The following EIF2AK4 variants were observed in gnomAD, a reference collection of about 807,000 sequenced individuals.
The protein encoded by EIF2AK4 is eIF-2-alpha kinase GCN2.
In EIF2AK4, 139 loss-of-function variants were observed where a neutral mutation model predicts 211.1. That is an observed-to-expected ratio of 0.66 (90% CI 0.57 to 0.76). EIF2AK4 has a LOEUF of 0.76. Among genes scored for constraint, EIF2AK4 ranks in the 30% least tolerant of loss-of-function variants. The probability of loss-of-function intolerance (pLI) is 0.00; values close to 1 mark genes in which losing one functional copy is unlikely to be tolerated. For synonymous variants in EIF2AK4, 710 were observed against 751.3 expected (o/e 0.94, Z 0.90); for missense variants, 1,664 against 2,043.8 (o/e 0.81, Z 3.58).
At chr15:39,994,446 A>G (rs1031906063) in intron 18 of EIF2AK4, among the ~76,000 whole-genome samples, 1 of 152,124 alleles carries the variant, frequency 6.6e-6, no homozygotes, top group African/African-American at 2.4e-5. Flanking sequence ...CATCCCTACT[A>G]AACATCAAAA....
chr15:39,976,781 GC>G lies in EIF2AK4; in HGVS notation c.2187del (p.Ser730ProfsTer61). 6.3e-7 allele frequency: 1 copy of G among 1,585,508 alleles called. No individual in the cohort carries two copies. Among genetic ancestry groups the G allele is most frequent in the Non-Finnish European group, 8.6e-7 (1 of 1,169,396 alleles). ...ASARFPATGPGSSDDEDDDED... is the reference protein window; with the variant it reads ...ASARFPATGPXSSDDEDDDED... ...GCCCGTTTCCCCGCCACCGGCCCGG[GC>G]TCCAGCGATGACGAGGACGACGACG... On this transcript the variant is annotated frameshift_variant, in exon 12 of 39. Transcript: ENST00000263791. LOFTEE classifies it high-confidence loss of function.
At chr15:39,934,367 C>T (rs1186021522) in intron 1 of EIF2AK4, 28 bp downstream of exon 1, 1 of 1,582,776 alleles carries the variant, frequency 6.3e-7, no homozygotes. Flanking sequence ...CAGGCCCGGG[C>T]TGGCGTGCCC....
intron 25 of EIF2AK4, among the ~76,000 whole-genome samples, chr15:40,009,031 T>A (rs933452568): frequency 1.3e-5 from 2 of 152,150 alleles, no homozygotes; most frequent in Non-Finnish European, 1.5e-5. Flanking sequence ...ATCAACTCTC[T>A]CGGGCTTTTT....
rs2035306326 is a variant in EIF2AK4, at chr15:40,016,653, A to G, written c.3911A>G (p.Lys1304Arg). 6.2e-7 allele frequency: 1 copy of G among 1,614,170 alleles called. No individual in the cohort carries two copies. The highest frequency in any genetic ancestry group is 8.5e-7 in the Non-Finnish European group (1 of 1,180,026). The change falls in exon 28 of 39, where the codon AAA becomes AGA. Residue 1304 changes from lysine (K) to arginine (R), a missense_variant. Lys to Arg is a conservative substitution (Grantham distance 26). Transcript: ENST00000263791. Reference protein sequence around the residue: ...DLEEVVGLLKKLGIKLQVLIN... With the variant: ...DLEEVVGLLKRLGIKLQVLIN... The stretch of plus-strand genomic sequence containing the variant: ...GAGGAGGTTGTTGGACTGTTGAAGA[A>G]ACTCGGCATCAAGTTACAGGTTTGG...
chr15:39,947,025 T>C (rs1325989184), intron 3 of EIF2AK4: 1 of 184,966 alleles, frequency 5.4e-6, no homozygotes, highest in African/African-American at 2.4e-5. Flanking sequence ...ACATTTGCTT[T>C]ACTGAAGTGG....
intron 35 of EIF2AK4, 124 bp downstream of exon 35, chr15:40,030,580 T>G: frequency 9.1e-7 from 1 of 1,094,636 alleles, no homozygotes; most frequent in South Asian, 1.6e-5. Context: ...GAAAAAAATT[T>G]TTCTTCCAAC....
intron 9 of EIF2AK4, among the ~76,000 whole-genome samples, chr15:39,971,019 G>A (rs1433410888): frequency 6.6e-6 from 1 of 152,140 alleles, no homozygotes. Context: ...AACTCACAAC[G>A]ACAGTTGATT....
At chr15:39,942,551 A>G (rs1462973970) in intron 2 of EIF2AK4, among the ~76,000 whole-genome samples, 1 of 152,228 alleles carries the variant, frequency 6.6e-6, no homozygotes, top group Non-Finnish European at 1.5e-5. Flanking sequence ...ATGCTTGGTA[A>G]AAAGTGATGA....
chr15:39,937,053 T>G (rs1466813094), intron 1 of EIF2AK4, among the ~76,000 whole-genome samples: 2 of 152,224 alleles, frequency 1.3e-5, no homozygotes, highest in African/African-American at 2.4e-5. Flanking sequence ...TAAAAACTTT[T>G]GCATTTGTAA....
intron 11 of EIF2AK4, chr15:39,975,575 G>T (rs537558184): frequency 6.6e-6 from 1 of 152,344 alleles, no homozygotes; most frequent in African/African-American, 2.4e-5. Context: ...CTCTGTAAAA[G>T]TTACTTCAGT....
In EIF2AK4 at chr15:39,969,345, A is replaced by T. The variant is rs139392824; in HGVS notation, c.1553+1466A>T. ...TCAGTTTTAAACTTGAGATCAGCAC[A>T]ATTTCTTATTCTTTTTTTTTTTTTT... On this transcript the variant is annotated intron_variant, in intron 9 of 38. Coordinates refer to ENST00000263791, the MANE Select transcript of EIF2AK4 (RefSeq NM_001013703.4). 4.7e-5 allele frequency among the ~76,000 whole-genome samples: 7 copies of T among 147,626 alleles called. No homozygotes were observed. The East Asian group carries it at 1.4e-3, about 30-fold the overall frequency.
rs564079511 is a variant in EIF2AK4, at chr15:40,021,290, G to A, written c.4302+263G>A. ...TCAACAGGGCTGGCTCCTCTGGGAAGCTCTAGGGGAGAATCTGTGTCCTTC... is the reference window on the plus strand; with the variant it reads ...TCAACAGGGCTGGCTCCTCTGGGAAACTCTAGGGGAGAATCTGTGTCCTTC... On this transcript the variant is annotated intron_variant, in intron 31 of 38. Coordinates refer to ENST00000263791, the MANE Select transcript of EIF2AK4 (RefSeq NM_001013703.4). Among the ~76,000 whole-genome samples the A allele has an allele frequency of 3.9e-5, 6 of 152,290 alleles. No homozygotes were observed. The East Asian group carries it at 7.7e-4, about 20-fold the overall frequency.
In EIF2AK4 at chr15:40,030,435, T is replaced by C. The variant is rs2035526118; in HGVS notation, c.4638T>C (p.Thr1546=). The C allele has an allele frequency of 6.2e-7, 1 of 1,614,028 alleles. No homozygotes were observed. Among genetic ancestry groups the C allele is most frequent in the South Asian group, 1.1e-5 (1 of 91,034 alleles). ...CCCCGGAGAAGCTGTCAGCCAGCACTAGGAGGCGCTATGAAACTCAGGTAC... is the reference window on the plus strand; with the variant it reads ...CCCCGGAGAAGCTGTCAGCCAGCACCAGGAGGCGCTATGAAACTCAGGTAC... The part of the protein sequence containing the change: ...VLAPEKLSAS[T]RRRYETQVQT... Residue 1546 remains threonine (T), a synonymous_variant, in exon 35 of 39, where the codon ACT becomes ACC. Coordinates refer to ENST00000263791, the MANE Select transcript of EIF2AK4 (RefSeq NM_001013703.4).
chr15:39,961,843 TG>T lies in EIF2AK4; in HGVS notation c.804del (p.Tyr269IlefsTer27), dbSNP rs764735526. The T allele has an allele frequency of 6.2e-7, 1 of 1,614,230 alleles. No individual in the cohort carries two copies. The highest frequency in any genetic ancestry group is 8.5e-7 in the Non-Finnish European group (1 of 1,180,026). On this transcript the variant is annotated frameshift_variant, in exon 7 of 39. Transcript: ENST00000263791. LOFTEE classifies it high-confidence loss of function. ...SEDSPGSCEI[L>X]YFNMGSPDQL... ...GATTCTCCTGGCTCTTGTGAAATTC[TG>T]TATTTCAATATGGGGAGTCCTGATC...
intron 37 of EIF2AK4, among the ~76,000 whole-genome samples, chr15:40,034,028 CAAAAAAAA>C (rs1161664208): frequency 1.4e-5 from 1 of 68,972 alleles, no homozygotes; most frequent in African/African-American, 5.5e-5. Flanking sequence ...AACTCCATCT[CAAAAAAAA>C]AAAAAAAAAA....
chr15:39,979,021 C>T (rs1462202100), intron 13 of EIF2AK4, among the ~76,000 whole-genome samples: 1 of 152,094 alleles, frequency 6.6e-6, no homozygotes, highest in African/African-American at 2.4e-5. Context: ...TTTGTTTTCC[C>T]CAATGTGTAA....
intron 3 of EIF2AK4, among the ~76,000 whole-genome samples, chr15:39,946,199 G>A (rs2034225622): frequency 6.6e-6 from 1 of 152,194 alleles, no homozygotes; most frequent in Admixed American, 6.5e-5. Context: ...TCTTAGCAAA[G>A]TAAATGGAAA....
intron 26 of EIF2AK4, among the ~76,000 whole-genome samples, chr15:40,010,459 T>C (rs988538714): frequency 1.3e-5 from 2 of 152,202 alleles, no homozygotes; most frequent in Non-Finnish European, 2.9e-5. Context: ...CTTTATAGTA[T>C]ATGTGCGGGT....
At chr15:39,941,713 G>A (rs937789230) in intron 2 of EIF2AK4, among the ~76,000 whole-genome samples, 2 of 152,084 alleles carry the variant, frequency 1.3e-5, no homozygotes. Context: ...TCTTTGTTGT[G>A]GGGTCCTTCC....
Sources: allele counts gnomAD v4.1 joint callset (sites outside exome capture counted in the v4.1 genomes callset), GRCh38; gene constraint gnomAD v4.1.1; transcripts MANE v1.5; gene names NCBI Gene and HGNC (gene_info 2026-07-23, HGNC 2026-07-21).